Variants in KLHL25 observed in about 807,000 individuals in gnomAD.
The protein encoded by KLHL25 is kelch-like protein 25.
A neutral mutation model predicts 30.0 loss-of-function variants in KLHL25; 41 were observed. The ratio of observed to expected loss-of-function variants is 1.37; its 90% CI spans 1.07 to 1.78. The LOEUF is 1.78. Ranked by LOEUF, KLHL25 falls within the 40% of genes most tolerant of loss-of-function variation. The pLI is 0.00. For missense variants in KLHL25, 971 were observed against 824.5 expected (o/e 1.18, Z -2.18); for synonymous variants, 399 against 355.3 (o/e 1.12, Z -1.38).
chr15:85,770,442 C>G (rs2089663149), intron 1 of KLHL25: 1 of 520,772 alleles, frequency 1.9e-6, no homozygotes, highest in Non-Finnish European at 3.9e-6. Context: ...AGGCTCTGCC[C>G]TGGGCCGGGC....
At position 85,777,466 on chromosome 15, in the gene KLHL25, G is replaced by A. The variant is rs201667242; in HGVS notation, c.-10-7646C>T. Among the ~76,000 whole-genome samples, 29 of 152,244 alleles carry A rather than the reference G, an allele frequency of 1.9e-4. No homozygotes were observed. The East Asian group carries it at 3.5e-3, about 18-fold the overall frequency. On this transcript the variant is annotated intron_variant, in intron 1 of 2. Transcript: ENST00000337975. ...GATTACTCTACACATGGCCCTACCC[G>A]TCAGCCTGCAGCCAAAGCCTGGAAA...
rs78775381 is a variant in KLHL25 at position 85,793,378 on chromosome 15, C to T, written c.-11+1388G>A. 1.8e-3 allele frequency among the ~76,000 whole-genome samples: 279 copies of T among 152,244 alleles called. 6 individuals carry two copies. In the East Asian group the frequency reaches 0.051, roughly 28 times the overall value. Reference sequence around the variant, plus strand: ...AATGACTCAAAACTGAAATAGCTGCCAGGCCGGAAAAAGACTGACTACGTC... The same window carrying T: ...AATGACTCAAAACTGAAATAGCTGCTAGGCCGGAAAAAGACTGACTACGTC... On this transcript the variant is annotated intron_variant, in intron 1 of 2. Transcript: ENST00000337975.
At position 85,769,452 on chromosome 15, in the gene KLHL25, A is replaced by G. The variant is rs1196769318; in HGVS notation, c.359T>C (p.Leu120Pro). ...IAINEENAES[L>P]LEAGDMLQFH... ...CTGCAGCATGTCGCCTGCCTCCAGC[A>G]GTGACTCAGCGTTCTCCTCGTTGAT... Residue 120 changes from leucine to proline, a missense_variant, in exon 2 of 3, where the codon CTG becomes CCG. Leu to Pro is a moderately conservative substitution (Grantham distance 98). Coordinates refer to ENST00000337975, the MANE Select transcript of KLHL25 (RefSeq NM_022480.4). The G allele has an allele frequency of 6.2e-7, 1 of 1,614,062 alleles. No individual in the cohort carries two copies. Among genetic ancestry groups the G allele is most frequent in the Admixed American group, 1.7e-5 (1 of 60,002 alleles).
Position 85,770,638 on chromosome 15 carries a change from C to A in KLHL25, c.-10-818G>T, listed in dbSNP as rs1193146568. 5 of 497,186 alleles carry A rather than the reference C, an allele frequency of 1.0e-5. No individual in the cohort carries two copies. The East Asian group carries it at 2.8e-4, about 28-fold the overall frequency. The allele number at this position is 497,186 out of a possible 1,614,324, so 30.8% of individuals were successfully genotyped here. On this transcript the variant is annotated intron_variant, in intron 1 of 2. Transcript: ENST00000337975. ...TCACCCTCGAGACCAACGCAGAGGCCCAAGATGACAGCAGGACATGCCGAA... is the reference window on the plus strand; with the variant it reads ...TCACCCTCGAGACCAACGCAGAGGCACAAGATGACAGCAGGACATGCCGAA...
chr15:85,781,423 C>T (rs2089742400), intron 1 of KLHL25, among the ~76,000 whole-genome samples: 1 of 152,180 alleles, frequency 6.6e-6, no homozygotes, highest in African/African-American at 2.4e-5. Flanking sequence ...GGACTCTCCA[C>T]CAAGAGAATC....
In KLHL25 at chr15:85,769,684, A is replaced by C. The variant is rs757323461; in HGVS notation, c.127T>G (p.Cys43Gly). 6.2e-7 allele frequency: 1 copy of C among 1,613,900 alleles called. No individual in the cohort carries two copies. The highest frequency in any genetic ancestry group is 1.1e-5 in the South Asian group (1 of 91,086). Residue 43 changes from cysteine to glycine, a missense_variant, in exon 2 of 3, where the codon TGC becomes GGC. Coordinates refer to ENST00000337975, the MANE Select transcript of KLHL25 (RefSeq NM_022480.4). ...CAGAGTGTGACGTCGGTGAACATGC[A>C]GTGCTTGCGAAGCGTGTTGAGGTGG... is the stretch of plus-strand genomic sequence containing the variant. Reference protein sequence around the residue: ...LAHLNTLRKHCMFTDVTLWAG... With the variant: ...LAHLNTLRKHGMFTDVTLWAG...
intron 1 of KLHL25, among the ~76,000 whole-genome samples, chr15:85,788,234 G>A (rs2089793928): frequency 6.6e-6 from 1 of 152,090 alleles, no homozygotes; most frequent in Non-Finnish European, 1.5e-5. Context: ...GCCCACGCAG[G>A]CCCAGCCTTT....
At chr15:85,761,984 G>A (rs1567236548) in intron 2 of KLHL25, 1 of 152,226 alleles carries the variant, frequency 6.6e-6, no homozygotes, top group African/African-American at 2.4e-5. Flanking sequence ...GAGGCTCCAC[G>A]GCTGTCCCCT....
Position 85,769,283 on chromosome 15 carries a change from A to C in KLHL25, c.528T>G (p.Phe176Leu), listed in dbSNP as rs1407418916. ...AGTCCTCGCTCTGCCTCACCGTCTC[A>C]AAGTGCACCAGGCACATGCGCCAGG... The part of the protein sequence containing the change: ...EFSWRMCLVH[F>L]ETVRQSEDFN... The change falls in exon 2 of 3, where the codon TTT (phenylalanine) becomes TTG (leucine). Residue 176 changes from phenylalanine to leucine, a missense_variant. Physicochemically the swap from Phe to Leu is conservative, Grantham distance 22 (BLOSUM62 0). Transcript: ENST00000337975. 2 of 1,613,984 alleles carry C rather than the reference A, an allele frequency of 1.2e-6. No homozygotes were observed. Among genetic ancestry groups the C allele is most frequent in the South Asian group, 1.1e-5 (1 of 91,082 alleles).
At chr15:85,781,584 A>G (rs2089743493) in intron 1 of KLHL25, among the ~76,000 whole-genome samples, 1 of 152,104 alleles carries the variant, frequency 6.6e-6, no homozygotes, top group Non-Finnish European at 1.5e-5. Flanking sequence ...CCTGGGTTCA[A>G]GCAATTCTCC....
intron 2 of KLHL25, chr15:85,761,868 T>TA (rs2089585695): frequency 6.6e-6 from 1 of 152,244 alleles, no homozygotes; most frequent in Admixed American, 6.5e-5. Context: ...CTGTACGTGT[T>TA]AGTTTTAGTT....
At position 85,769,826 on chromosome 15, in the gene KLHL25, G is replaced by T. The variant is rs201475424; in HGVS notation, c.-10-6C>A. On this transcript the variant is annotated splice_region_variant and splice_polypyrimidine_tract_variant and intron_variant, in intron 1 of 2. Transcript: ENST00000337975. ...TGACCGACATGGTGCGTCAGCTTGT[G>T]GGGGAACAAGCCCACAGGTTAGAGG... The T allele has an allele frequency of 1.0e-5, 16 of 1,594,512 alleles. 1 individual carries two copies. In the East Asian group the frequency reaches 1.6e-4, roughly 16 times the overall value.
At chr15:85,783,845 G>A (rs745895217) in intron 1 of KLHL25, among the ~76,000 whole-genome samples, 19 of 152,206 alleles carry the variant, frequency 1.2e-4, no homozygotes, top group Non-Finnish European at 2.4e-4. Flanking sequence ...AAGAGTCCCT[G>A]GTTTCAAATC....
rs138092661 is a variant in KLHL25 at position 85,772,960 on chromosome 15, T to A, written c.-10-3140A>T. On this transcript the variant is annotated intron_variant, in intron 1 of 2. Coordinates refer to ENST00000337975, the MANE Select transcript of KLHL25 (RefSeq NM_022480.4). ...GCACCTGCCTAGTTGTTTCCCCGGT[T>A]TGTCCCATCTCCTTCTGGGCAGCGC... 7.9e-5 allele frequency among the ~76,000 whole-genome samples: 12 copies of A among 152,374 alleles called. No homozygotes were observed. The East Asian group carries it at 2.3e-3, about 29-fold the overall frequency.
At chr15:85,772,372 C>T (rs1251645047) in intron 1 of KLHL25, among the ~76,000 whole-genome samples, 2 of 152,252 alleles carry the variant, frequency 1.3e-5, no homozygotes, top group African/African-American at 4.8e-5. Flanking sequence ...GGCACCTCAT[C>T]GCACCTGCCC....
chr15:85,778,025 G>A (rs961442509), intron 1 of KLHL25, among the ~76,000 whole-genome samples: 2 of 152,196 alleles, frequency 1.3e-5, no homozygotes, highest in Non-Finnish European at 2.9e-5. Context: ...GCCGCAGCAA[G>A]GAACAACCCC....
intron 1 of KLHL25, among the ~76,000 whole-genome samples, chr15:85,794,437 GTC>G (rs1363812275): frequency 6.6e-6 from 1 of 152,248 alleles, no homozygotes; most frequent in Non-Finnish European, 1.5e-5. Flanking sequence ...AAAAAAAAGA[GTC>G]TGCGGACTCA....
At chr15:85,773,628 C>T (rs529687818) in intron 1 of KLHL25, among the ~76,000 whole-genome samples, 3 of 152,180 alleles carry the variant, frequency 2.0e-5, no homozygotes, top group East Asian at 1.9e-4. Flanking sequence ...TGTCATCCTC[C>T]GAACTGCTGT....
intron 1 of KLHL25, among the ~76,000 whole-genome samples, chr15:85,792,590 C>T (rs2089824647): frequency 1.3e-5 from 2 of 152,140 alleles, no homozygotes; most frequent in Admixed American, 1.3e-4. Context: ...CCTACAAATG[C>T]GCTGGACTGC....
Sources: allele counts gnomAD v4.1 joint callset (sites outside exome capture counted in the v4.1 genomes callset), GRCh38; gene constraint gnomAD v4.1.1; transcripts MANE v1.5; gene names NCBI Gene and HGNC (gene_info 2026-07-23, HGNC 2026-07-21).